The following ECHDC2 variants were observed in gnomAD, a reference collection of about 807,000 sequenced individuals.
The protein encoded by ECHDC2 is enoyl-CoA hydratase domain containing 2, also known as enoyl-CoA hydratase domain-containing protein 2, mitochondrial.
Under a neutral mutation model 40.6 loss-of-function variants are expected in ECHDC2, and 34 were observed. The ratio of observed to expected loss-of-function variants is 0.84; its 90% CI spans 0.64 to 1.11. The LOEUF is 1.11. Ranked by LOEUF, ECHDC2 falls within the 50% of genes most tolerant of loss-of-function variation. ECHDC2 has a pLI of 0.00. For missense variants in ECHDC2, 392 were observed against 400.7 expected (o/e 0.98, Z 0.19); for synonymous variants, 162 against 166.6 (o/e 0.97, Z 0.21).
At chr1:52,900,869 A>C (rs1646945493) in intron 7 of ECHDC2, 1 of 152,240 alleles carries the variant, frequency 6.6e-6, no homozygotes, top group Non-Finnish European at 1.5e-5. Flanking sequence ...CAATAAAGGA[A>C]GTAATCTTGG....
At chr1:52,909,203 T>C (rs956457395) in intron 3 of ECHDC2, among the ~76,000 whole-genome samples, 1 of 151,968 alleles carries the variant, frequency 6.6e-6, no homozygotes, top group African/African-American at 2.4e-5. Flanking sequence ...TGGAAACCAG[T>C]TCCAAAAAGT....
At chr1:52,917,705 T>C in intron 1 of ECHDC2, 1 of 453,638 alleles carries the variant, frequency 2.2e-6, no homozygotes, top group South Asian at 1.6e-5. Flanking sequence ...ATAAGACATA[T>C]AAGTCCCATC....
chr1:52,898,303 C>T (rs2150033249), intron 8 of ECHDC2: 1 of 152,496 alleles, frequency 6.6e-6, no homozygotes, highest in African/African-American at 2.4e-5. Flanking sequence ...TCACTGCAAA[C>T]TCCGCCTCCT....
rs1291585091 is a variant in ECHDC2 at position 52,921,559 on chromosome 1, C to T, written c.115G>A (p.Asp39Asn). ...EIQVRALAGP[D>N]QGITEILMNR... ...CCCGGAACTGCACATTTACCTTGGT[C>T]CGGACCCGCCAGGGCGCGCACTTGG... Residue 39 changes from aspartate (D) to asparagine (N), a missense_variant, in exon 1 of 10, where the codon GAC (aspartate) becomes AAC (asparagine). By Grantham distance (23) the Asp-to-Asn change is conservative (BLOSUM62 1). Coordinates refer to ENST00000371522, the MANE Select transcript of ECHDC2 (RefSeq NM_001198961.2). 1 of 1,609,624 alleles carries T rather than the reference C, an allele frequency of 6.2e-7. No individual in the cohort carries two copies. Among genetic ancestry groups the T allele is most frequent in the Non-Finnish European group, 8.5e-7 (1 of 1,178,588 alleles).
In ECHDC2 at chr1:52,904,720, C is replaced by T. The variant is rs199751837; in HGVS notation, c.628G>A (p.Ala210Thr). Residue 210 changes from alanine (A) to threonine (T), a missense_variant, in exon 7 of 10, where the codon GCT (alanine) becomes ACT (threonine). By Grantham distance (58) the Ala-to-Thr change is moderately conservative. Coordinates refer to ENST00000371522, the MANE Select transcript of ECHDC2 (RefSeq NM_001198961.2). Reference sequence around the variant, plus strand: ...TCCCCCTCCTCGTTCTGGGCCACAGCGTGATTCACCAGCCCCAGTACGTGG... The same window carrying T: ...TCCCCCTCCTCGTTCTGGGCCACAGTGTGATTCACCAGCCCCAGTACGTGG... Reference protein sequence around the residue: ...EAHVLGLVNHAVAQNEEGDAA... With the variant: ...EAHVLGLVNHTVAQNEEGDAA... 171 of 1,612,590 alleles carry T rather than the reference C, an allele frequency of 1.1e-4. No homozygotes were observed. Among genetic ancestry groups the T allele is most frequent in the African/African-American group, 2.5e-4 (19 of 74,928 alleles).
chr1:52,911,433 T>C (rs965668251), intron 3 of ECHDC2, 133 bp downstream of exon 3: 6 of 841,404 alleles, frequency 7.1e-6, no homozygotes, highest in African/African-American at 5.0e-5. Context: ...TTTTCCTCCC[T>C]GAGTCTCTGC....
chr1:52,899,787 T>C (rs1458668982), intron 7 of ECHDC2: 1 of 158,112 alleles, frequency 6.3e-6, no homozygotes, highest in Admixed American at 5.9e-5. Flanking sequence ...CAGGGCTGTG[T>C]TGAAATCCTG....
In ECHDC2 at chr1:52,896,738, AG is replaced by A. The variant is rs996450757; in HGVS notation, c.802-142del. ...TGGACTCTGATCTTGAGGCATGCAA[AG>A]GTATAAGCCTCCGTGGCTGCTTTGT... On this transcript the variant is annotated intron_variant, in intron 9 of 9. Transcript: ENST00000371522. 62 of 689,110 alleles carry A rather than the reference AG, an allele frequency of 9.0e-5. No individual in the cohort carries two copies. In the Middle Eastern group the frequency reaches 1.2e-3, roughly 13 times the overall value. 42.7% of individuals were successfully genotyped at this position (689,110 alleles called of 1,614,324 possible).
intron 3 of ECHDC2, among the ~76,000 whole-genome samples, chr1:52,908,610 C>T (rs1393405422): frequency 2.0e-5 from 3 of 151,834 alleles, no homozygotes; most frequent in Non-Finnish European, 2.9e-5. Flanking sequence ...AAGAACTTCT[C>T]CAACTAAACA....
chr1:52,896,906 A>T (rs1203637710), intron 9 of ECHDC2: 1 of 337,262 alleles, frequency 3.0e-6, no homozygotes, highest in East Asian at 4.9e-5. Context: ...AGAGAAAAAA[A>T]TTCTTTGCAG....
rs1016958233 is a variant in ECHDC2 at position 52,896,406 on chromosome 1, G to T, written c.*114C>A. On this transcript the variant is annotated 3_prime_UTR_variant, in exon 10 of 10. Transcript: ENST00000371522. Reference sequence around the variant, plus strand: ...ATTTTATTTCCATCATCATCCTTGTGAAGAAATGGAAGTCTGGAGAGGTGA... The same window carrying T: ...ATTTTATTTCCATCATCATCCTTGTTAAGAAATGGAAGTCTGGAGAGGTGA... 13 of 859,818 alleles carry T rather than the reference G, an allele frequency of 1.5e-5. No individual in the cohort carries two copies. Among genetic ancestry groups the T allele is most frequent in the Non-Finnish European group, 2.4e-5 (12 of 503,058 alleles). 53.3% of individuals were successfully genotyped at this position (859,818 alleles called of 1,614,324 possible).
intron 4 of ECHDC2, chr1:52,907,426 T>C (rs1010837919): frequency 2.9e-4 from 47 of 163,794 alleles, no homozygotes; most frequent in African/African-American, 1.1e-3. Context: ...GGAAGACAAA[T>C]GTGTATCAGG....
intron 5 of ECHDC2, chr1:52,905,425 CAAG>C (rs985423551): frequency 8.5e-6 from 3 of 354,974 alleles, no homozygotes; most frequent in African/African-American, 2.0e-5. Context: ...ACGCTTGGAA[CAAG>C]GAGAGTTCCT....
chr1:52,912,105 C>G lies in ECHDC2; in HGVS notation c.122-315G>C, dbSNP rs112012102. On this transcript the variant is annotated intron_variant, in intron 1 of 9. Transcript: ENST00000371522. ...TCTGCTGTTGTTAGACAGACAGACA[C>G]ACACACACACAAGCACACATGCACC... 1.6e-3 allele frequency: 1,999 copies of G among 1,213,416 alleles called. 23 individuals are homozygous for G. The African/African-American group carries it at 0.027, about 16-fold the overall frequency. The allele number at this position is 1,213,416 out of a possible 1,614,324, so 75.2% of individuals were successfully genotyped here. A position where few individuals can be genotyped will look rare whatever the true frequency, so the allele number is the denominator to read the frequency against.
At chr1:52,905,001 G>A (rs1647382655) in intron 6 of ECHDC2, 33 bp downstream of exon 6, 4 of 1,613,824 alleles carry the variant, frequency 2.5e-6, no homozygotes, top group Non-Finnish European at 2.5e-6. Context: ...CCTGGATGGG[G>A]TGGAATTGGG....
Position 52,921,641 on chromosome 1 carries a change from C to T in ECHDC2, c.33G>A (p.Trp11Ter), listed in dbSNP as rs368731634. The change falls in exon 1 of 10, where the codon TGG (tryptophan) becomes TGA (stop). Residue 11 changes from tryptophan to a stop codon, truncating the protein, a stop_gained. Transcript: ENST00000371522. LOFTEE classifies it high-confidence loss of function. Reference protein sequence around the residue: MLRVLCLLRPWRPLRARGCAS... With the variant: MLRVLCLLRP ...CGCAGCCGCGGGCCCGAAGGGGCCT[C>T]CAGGGGCGCAGGAGGCACAGAACGC... 2.3e-4 allele frequency: 362 copies of T among 1,587,002 alleles called. 1 individual carries two copies. In the African/African-American group the frequency reaches 4.2e-3, roughly 18 times the overall value.
rs1650341064 is a variant in ECHDC2 at position 52,914,922 on chromosome 1, C to G, written c.122-3132G>C. The stretch of plus-strand genomic sequence containing the variant: ...CCTCCCAGCACACACACATTCGTTC[C>G]CACATTTGGGTCACAGTCATCTTTC... On this transcript the variant is annotated intron_variant, in intron 1 of 9. Coordinates refer to ENST00000371522, the MANE Select transcript of ECHDC2 (RefSeq NM_001198961.2). This position sits in a 1 kb window ranked among gnomAD's most constrained non-coding sequence, Gnocchi z 4.0. Among the ~76,000 whole-genome samples, 1 of 152,140 alleles carries G rather than the reference C, an allele frequency of 6.6e-6. No homozygotes were observed. The highest frequency in any genetic ancestry group is 1.5e-5 in the Non-Finnish European group (1 of 68,024).
intron 7 of ECHDC2, chr1:52,899,928 G>A (rs1315293444): frequency 1.3e-5 from 2 of 151,704 alleles, no homozygotes; most frequent in Non-Finnish European, 2.9e-5. Flanking sequence ...TTCCAGGCAA[G>A]GAGGAATTAC....
intron 1 of ECHDC2, among the ~76,000 whole-genome samples, chr1:52,918,281 T>C (rs1483181184): frequency 6.7e-6 from 1 of 150,140 alleles, no homozygotes; most frequent in African/African-American, 2.5e-5. Context: ...TGCCTCACCC[T>C]CTCAACGTGC....
Sources: gnomAD v4.1 joint callset for allele counts (sites outside exome capture counted in the v4.1 genomes callset) on GRCh38, gnomAD v4.1.1 for gene constraint, Gnocchi (gnomAD v3.1) non-coding constraint, MANE v1.5 for transcripts, NCBI Gene and HGNC (gene_info 2026-07-23, HGNC 2026-07-21) for gene names.